GRIP1: variants seen among roughly 807,000 people sequenced by gnomAD.
GRIP1 encodes the protein glutamate receptor interacting protein 1, also known as glutamate receptor-interacting protein 1.
A neutral mutation model predicts 129.9 loss-of-function variants in GRIP1; 45 were observed. The observed-to-expected ratio is 0.35, with a 90% confidence interval of 0.27 to 0.44. The LOEUF (loss-of-function observed/expected upper bound fraction) is 0.44, where lower values mean the gene tolerates loss of function less well. Among genes scored for constraint, GRIP1 ranks in the 20% least tolerant of loss-of-function variants. The pLI is 1.00. For synonymous variants in GRIP1, 530 were observed against 520.8 expected (o/e 1.02, Z -0.24); for missense variants, 1,196 against 1,396.8 (o/e 0.86, Z 2.29).
chr12:67,032,481 G>A (rs188088586), intron 1 of GRIP1, among the ~76,000 whole-genome samples: 1 of 152,144 alleles, frequency 6.6e-6, no homozygotes, highest in Admixed American at 6.5e-5. Context: ...TAACCTAAAA[G>A]GAGTTTTTGT....
At chr12:66,945,757 T>A (rs1467638699) in intron 1 of GRIP1, among the ~76,000 whole-genome samples, 1 of 152,206 alleles carries the variant, frequency 6.6e-6, no homozygotes, top group Non-Finnish European at 1.5e-5. Context: ...AAACTATATC[T>A]GAGCCCAGGT....
At position 66,392,790 on chromosome 12, in the gene GRIP1, C is replaced by T. The variant is rs762131350; in HGVS notation, c.2156G>A (p.Arg719Gln). 2.0e-5 allele frequency: 32 copies of T among 1,613,960 alleles called. No homozygotes were observed. The highest frequency in any genetic ancestry group is 4.5e-5 in the East Asian group (2 of 44,880). The change falls in exon 18 of 25, where the codon CGA becomes CAA. Residue 719 changes from arginine (R) to glutamine (Q), a missense_variant. By Grantham distance (43) the Arg-to-Gln change is conservative. Transcript: ENST00000359742. ...GCTGCTGCTATTGATGGCTAGGATT[C>T]GGTCTCCTATGTGGATTGCGCCAGT... ...ERTGAIHIGD[R>Q]ILAINSSSLK...
chr12:66,979,231 A>ACAAAAAC (rs1566103932), intron 1 of GRIP1, among the ~76,000 whole-genome samples: 8 of 73,164 alleles, frequency 1.1e-4, no homozygotes, highest in Non-Finnish European at 2.4e-4. Flanking sequence ...TTAAAAAAAA[A>ACAAAAAC]AAAAAAAAAA....
intron 11 of GRIP1, among the ~76,000 whole-genome samples, chr12:66,454,534 C>T (rs1327425033): frequency 1.3e-5 from 2 of 152,188 alleles, no homozygotes; most frequent in Admixed American, 6.5e-5. Context: ...AGAGAATGAT[C>T]TTCCCCAATA....
At chr12:66,860,988 A>T (rs1451255033) in intron 1 of GRIP1, among the ~76,000 whole-genome samples, 1 of 152,064 alleles carries the variant, frequency 6.6e-6, no homozygotes, top group East Asian at 1.9e-4. Flanking sequence ...CACACAAAAA[A>T]GGGGAGGGCT....
At chr12:66,671,735 CA>C (rs757351348) in intron 1 of GRIP1, among the ~76,000 whole-genome samples, 18 of 152,172 alleles carry the variant, frequency 1.2e-4, no homozygotes, top group Non-Finnish European at 2.1e-4. Context: ...TTACGGTATC[CA>C]AACGCTATTT....
rs936661233 is a variant in GRIP1 at position 66,886,191 on chromosome 12, G to A, written c.58+182859C>T. ...TGAGGCAGGAGGATCATTTGAACCC[G>A]GGAGTTGGAGGTTGCAGTGAGCAGA... On this transcript the variant is annotated intron_variant, in intron 1 of 1. Transcript: ENST00000643019. 5.9e-5 allele frequency among the ~76,000 whole-genome samples: 9 copies of A among 152,160 alleles called. 1 individual carries two copies. In the Middle Eastern group the frequency reaches 0.017, roughly 288 times the overall value.
intron 1 of GRIP1, among the ~76,000 whole-genome samples, chr12:66,605,566 T>C (rs1184318841): frequency 6.6e-6 from 1 of 152,180 alleles, no homozygotes; most frequent in Non-Finnish European, 1.5e-5. Context: ...CATATATCTG[T>C]GGGGCGGAGC....
intron 1 of GRIP1, among the ~76,000 whole-genome samples, chr12:66,830,363 G>GAGGTAAGA (rs1361386361): frequency 1.3e-5 from 2 of 152,246 alleles, no homozygotes; most frequent in African/African-American, 4.8e-5. Context: ...TTACATGAGG[G>GAGGTAAGA]AGGTAAGAAG....
chr12:66,932,877 C>T (rs138795040), intron 1 of GRIP1, among the ~76,000 whole-genome samples: 82 of 152,202 alleles, frequency 5.4e-4, no homozygotes, highest in Middle Eastern at 3.4e-3. Flanking sequence ...CCATCTTGGC[C>T]AGGCTAGTCT....
Position 66,492,483 on chromosome 12 carries a change from A to T in GRIP1, c.724+23136T>A, listed in dbSNP as rs118146523. ...TGTCAACCGGGAAGCCTGACCAGGG[A>T]ATCAAGAGAGCCAAGGCACTGAGAG... is the stretch of plus-strand genomic sequence containing the variant. On this transcript the variant is annotated intron_variant, in intron 7 of 24. Coordinates refer to ENST00000359742, the MANE Select transcript of GRIP1 (RefSeq NM_001366722.1). Among the ~76,000 whole-genome samples the T allele has an allele frequency of 2.2e-3, 338 of 152,294 alleles. 9 individuals carry two copies. In the East Asian group the frequency reaches 0.058, roughly 26 times the overall value.
intron 1 of GRIP1, among the ~76,000 whole-genome samples, chr12:66,952,488 G>T (rs989258905): frequency 7.9e-5 from 12 of 152,154 alleles, no homozygotes; most frequent in African/African-American, 2.6e-4. Flanking sequence ...TTTACAAATG[G>T]CTTACTGAGA....
At chr12:66,846,934 A>G (rs2039828778) in intron 1 of GRIP1, among the ~76,000 whole-genome samples, 2 of 152,134 alleles carry the variant, frequency 1.3e-5, no homozygotes, top group Non-Finnish European at 2.9e-5. Flanking sequence ...GAATGACATC[A>G]GTGGACTCTG....
intron 7 of GRIP1, among the ~76,000 whole-genome samples, chr12:66,515,271 A>AT (rs995399384): frequency 2.1e-3 from 310 of 150,648 alleles, no homozygotes; most frequent in African/African-American, 7.0e-3. Context: ...TGTAATAATA[A>AT]AAAAAAAAAG....
At chr12:67,007,640 C>A (rs1441597362) in intron 1 of GRIP1, among the ~76,000 whole-genome samples, 1 of 152,154 alleles carries the variant, frequency 6.6e-6, no homozygotes, top group African/African-American at 2.4e-5. Context: ...CACTACACAT[C>A]TGTTGTTCCT....
chr12:66,988,569 G>A (rs1000752813), intron 1 of GRIP1, among the ~76,000 whole-genome samples: 3 of 151,946 alleles, frequency 2.0e-5, no homozygotes, highest in Non-Finnish European at 2.9e-5. Flanking sequence ...TTGTAGAGAC[G>A]GGGTTTCCCA....
intron 1 of GRIP1, among the ~76,000 whole-genome samples, chr12:66,882,524 C>T (rs188519099): frequency 6.6e-6 from 1 of 152,260 alleles, no homozygotes; most frequent in Admixed American, 6.5e-5. Flanking sequence ...TTCTCTGTGC[C>T]TCAGTTCCCT....
intron 1 of GRIP1, among the ~76,000 whole-genome samples, chr12:66,750,836 GT>G (rs1292245109): frequency 6.6e-6 from 1 of 152,122 alleles, no homozygotes; most frequent in Non-Finnish European, 1.5e-5. Context: ...TAGGGGTTAA[GT>G]CACCAAATGA....
chr12:67,063,021 A>G (rs975024833), intron 1 of GRIP1, among the ~76,000 whole-genome samples: 38 of 152,232 alleles, frequency 2.5e-4, no homozygotes, highest in Non-Finnish European at 4.1e-4. Flanking sequence ...ACTCCAAACC[A>G]TCTGCAAGGT....
Sources: gnomAD v4.1 joint callset for allele counts (sites outside exome capture counted in the v4.1 genomes callset) on GRCh38, gnomAD v4.1.1 for gene constraint, MANE v1.5 for transcripts, NCBI Gene and HGNC (gene_info 2026-07-23, HGNC 2026-07-21) for gene names.